NBAS: variants seen among roughly 807,000 people sequenced by gnomAD.
NBAS encodes NBAS subunit of NRZ tethering complex, also known as NAG/BC035112 fusion.
NBAS carries 219 observed loss-of-function variants against 302.5 expected under a neutral mutation model. The ratio of observed to expected loss-of-function variants is 0.72; its 90% CI spans 0.65 to 0.81. The LOEUF is 0.81. Among genes scored for constraint, NBAS ranks in the 30% least tolerant of loss-of-function variants. NBAS has a pLI of 0.00. For missense variants in NBAS, 2,932 were observed against 2,841.6 expected (o/e 1.03, Z -0.72); for synonymous variants, 1,118 against 1,021.6 (o/e 1.09, Z -1.80).
chr2:15,520,690 T>G (rs1271478807), intron 9 of NBAS, among the ~76,000 whole-genome samples: 2 of 152,088 alleles, frequency 1.3e-5, no homozygotes, highest in Non-Finnish European at 2.9e-5. Flanking sequence ...AACACAGAAA[T>G]TTGAATTTCA....
intron 47 of NBAS, among the ~76,000 whole-genome samples, chr2:15,219,298 T>C (rs920770622): frequency 7.8e-5 from 11 of 141,182 alleles, no homozygotes; most frequent in African/African-American, 3.1e-4. Context: ...GGCTGCATTC[T>C]AGTAATTTTT....
chr2:14,868,322 T>C, the NBAS span, among the ~76,000 whole-genome samples: 1 of 152,202 alleles, frequency 6.6e-6, no homozygotes, highest in African/African-American at 2.4e-5. Context: ...TATTTCTTAT[T>C]ATGTTTCTAA....
the NBAS span, among the ~76,000 whole-genome samples, chr2:15,097,594 T>C: frequency 6.6e-6 from 1 of 151,934 alleles, no homozygotes; most frequent in Non-Finnish European, 1.5e-5. Context: ...CTGAGTTGCA[T>C]ATGGAAAGCT....
intron 12 of NBAS, among the ~76,000 whole-genome samples, chr2:15,481,681 C>T (rs550040445): frequency 2.6e-4 from 39 of 152,258 alleles, no homozygotes; most frequent in Admixed American, 5.2e-4. Context: ...GAGCTCAGAA[C>T]ACAATACCCC....
intron 1 of NBAS, among the ~76,000 whole-genome samples, chr2:15,559,062 C>CTAAAAAAAAA (rs1553338482): frequency 2.0e-5 from 1 of 50,416 alleles, no homozygotes; most frequent in Non-Finnish European, 3.5e-5. Context: ...GACCCTGCCT[C>CTAAAAAAAAA]AAAAAAAAAA....
At chr2:14,831,161 T>A in the NBAS span, among the ~76,000 whole-genome samples, 11 of 152,120 alleles carry the variant, frequency 7.2e-5, no homozygotes, top group Non-Finnish European at 1.2e-4. Flanking sequence ...TTCTGTTTTG[T>A]TTTTTTCAAA....
At chr2:15,147,837 A>G in the NBAS span, among the ~76,000 whole-genome samples, 2 of 151,332 alleles carry the variant, frequency 1.3e-5, no homozygotes, top group Admixed American at 1.3e-4. Context: ...AGGAGTAAAC[A>G]ATTCATTTCC....
chr2:14,780,243 T>C, the NBAS span, among the ~76,000 whole-genome samples: 1 of 152,246 alleles, frequency 6.6e-6, no homozygotes, highest in Non-Finnish European at 1.5e-5. Context: ...AAAAATGATT[T>C]TTGAAATTAG....
chr2:15,094,117 C>T, the NBAS span, among the ~76,000 whole-genome samples: 1 of 152,290 alleles, frequency 6.6e-6, no homozygotes, highest in East Asian at 1.9e-4. Context: ...TTTGATGGCT[C>T]TCCTTTGAAA....
the NBAS span, among the ~76,000 whole-genome samples, chr2:14,993,216 C>T: frequency 1.3e-5 from 2 of 152,282 alleles, no homozygotes; most frequent in South Asian, 2.1e-4. Flanking sequence ...CCATTTTACA[C>T]ATGAGAAAAA....
downstream of NBAS, among the ~76,000 whole-genome samples, chr2:15,163,444 T>G (rs1663942721): frequency 6.6e-6 from 1 of 152,212 alleles, no homozygotes; most frequent in Admixed American, 6.5e-5. Flanking sequence ...AAGCAGCTCT[T>G]GGGGACCACC....
At chr2:15,254,392 C>G (rs1435406508) in intron 44 of NBAS, among the ~76,000 whole-genome samples, 5 of 152,174 alleles carry the variant, frequency 3.3e-5, no homozygotes, top group African/African-American at 1.2e-4. Flanking sequence ...GTCAATTAAA[C>G]TCTTTCTTTA....
chr2:15,010,795 C>A, the NBAS span, among the ~76,000 whole-genome samples: 1 of 152,080 alleles, frequency 6.6e-6, no homozygotes, highest in African/African-American at 2.4e-5. Flanking sequence ...AGAAAACAAC[C>A]AACAAGATTA....
At chr2:15,309,102 G>T in intron 39 of NBAS, 69 bp downstream of exon 39, 1 of 1,253,370 alleles carries the variant, frequency 8.0e-7, no homozygotes, top group Non-Finnish European at 1.1e-6. Flanking sequence ...CAATTTTACC[G>T]ATGAAAATTC....
At chr2:14,905,474 C>T in the NBAS span, among the ~76,000 whole-genome samples, 3 of 152,110 alleles carry the variant, frequency 2.0e-5, no homozygotes, top group Non-Finnish European at 2.9e-5. Flanking sequence ...TCGGTGGCTG[C>T]GGGAGACTTG....
intron 28 of NBAS, among the ~76,000 whole-genome samples, chr2:15,391,045 G>A (rs111229792): frequency 1.3e-5 from 2 of 151,954 alleles, no homozygotes; most frequent in African/African-American, 2.4e-5. Context: ...TGGAGGTGGG[G>A]GTTGCAGTGA....
At chr2:15,402,055 G>GT (rs1298499643) in intron 26 of NBAS, 113 bp downstream of exon 26, 10 of 1,161,348 alleles carry the variant, frequency 8.6e-6, no homozygotes, top group East Asian at 2.4e-5. Flanking sequence ...TCTTCCTTAT[G>GT]TTTTTTTCAC....
intron 14 of NBAS, among the ~76,000 whole-genome samples, chr2:15,475,266 C>T (rs1420076151): frequency 6.6e-6 from 1 of 152,136 alleles, no homozygotes; most frequent in Non-Finnish European, 1.5e-5. Context: ...CAAAAGATAA[C>T]TTTACAGAAC....
intron 11 of NBAS, among the ~76,000 whole-genome samples, chr2:15,502,517 G>A (rs1316212520): frequency 1.3e-5 from 2 of 152,258 alleles, no homozygotes; most frequent in African/African-American, 2.4e-5. Flanking sequence ...CTAGGGCCAT[G>A]AACCTGCTCA....
Sources: allele counts gnomAD v4.1 joint callset (sites outside exome capture counted in the v4.1 genomes callset), GRCh38; gene constraint gnomAD v4.1.1; transcripts MANE v1.5; gene names NCBI Gene and HGNC (gene_info 2026-07-23, HGNC 2026-07-21).